The following SNX30 variants were observed in gnomAD, a reference collection of about 807,000 sequenced individuals.
SNX30 encodes sorting nexin family member 30, also known as sorting nexin-30.
SNX30 carries 24 observed loss-of-function variants against 46.4 expected under a neutral mutation model. The ratio of observed to expected loss-of-function variants is 0.52; its 90% CI spans 0.37 to 0.73. SNX30 has a LOEUF of 0.73. Among genes scored for constraint, SNX30 ranks in the 30% least tolerant of loss-of-function variants. SNX30 has a pLI of 0.00. For synonymous variants in SNX30, 189 were observed against 211.5 expected, an observed-to-expected ratio of 0.89 and a Z score of 0.92; for missense variants, 533 against 555.7, an observed-to-expected ratio of 0.96 and a Z score of 0.41.
At chr9:112,858,125 C>G (rs1841166344) in intron 7 of SNX30, among the ~76,000 whole-genome samples, 1 of 152,176 alleles carries the variant, frequency 6.6e-6, no homozygotes, top group South Asian at 2.1e-4. Context: ...AAGCAACACC[C>G]AACCATTAGC....
chr9:112,788,227 A>G (rs773999667), intron 1 of SNX30, among the ~76,000 whole-genome samples: 1 of 151,842 alleles, frequency 6.6e-6, no homozygotes, highest in Non-Finnish European at 1.5e-5. Context: ...GGCTGGGGTG[A>G]TGATTAATCA....
intron 1 of SNX30, among the ~76,000 whole-genome samples, chr9:112,756,435 CTTTTTTTTTT>C (rs61338659): frequency 5.9e-5 from 4 of 67,406 alleles, no homozygotes; most frequent in East Asian, 6.0e-4. Flanking sequence ...TGTAATCATC[CTTTTTTTTTT>C]TTTTTTTTTT....
chr9:112,875,802 C>CTTTT (rs969381298), downstream of SNX30: 1 of 149,922 alleles, frequency 6.7e-6, no homozygotes, highest in South Asian at 2.1e-4. Flanking sequence ...ACAGGATATT[C>CTTTT]TTTTTTTTTT....
intron 6 of SNX30, among the ~76,000 whole-genome samples, chr9:112,843,790 T>G (rs139353314): frequency 6.6e-6 from 1 of 152,232 alleles, no homozygotes; most frequent in East Asian, 1.9e-4. Context: ...AATTTTTGTA[T>G]TTTTAGTAAA....
At chr9:112,772,197 A>G (rs900655428) in intron 1 of SNX30, among the ~76,000 whole-genome samples, 2 of 152,176 alleles carry the variant, frequency 1.3e-5, no homozygotes, top group African/African-American at 4.8e-5. Flanking sequence ...GGGTTACTCT[A>G]GCTTCATTTC....
chr9:112,773,339 T>TA (rs571959785), intron 1 of SNX30, among the ~76,000 whole-genome samples: 2 of 152,302 alleles, frequency 1.3e-5, no homozygotes, highest in South Asian at 4.1e-4. Flanking sequence ...TCATAACTGA[T>TA]AGTCATAACT....
chr9:112,842,646 T>C (rs1175172231), intron 6 of SNX30, among the ~76,000 whole-genome samples: 1 of 152,254 alleles, frequency 6.6e-6, no homozygotes, highest in Non-Finnish European at 1.5e-5. Context: ...CCAATCAGCT[T>C]GTAGCTGTGT....
downstream of SNX30, chr9:112,878,664 T>TA (rs1841542917): frequency 6.6e-6 from 1 of 152,250 alleles, no homozygotes; most frequent in Admixed American, 6.5e-5. Flanking sequence ...CTTCACCTGA[T>TA]AGACAGTACA....
At chr9:112,841,756 T>A (rs969300729) in intron 6 of SNX30, among the ~76,000 whole-genome samples, 1 of 152,250 alleles carries the variant, frequency 6.6e-6, no homozygotes, top group Non-Finnish European at 1.5e-5. Flanking sequence ...ATGTCTTAAG[T>A]GGCTTGCCCA....
intron 1 of SNX30, among the ~76,000 whole-genome samples, chr9:112,758,974 CAG>C (rs1839398032): frequency 6.6e-6 from 1 of 152,110 alleles, no homozygotes; most frequent in Non-Finnish European, 1.5e-5. Flanking sequence ...CGTGCACACA[CAG>C]AGAGAAAGAG....
At chr9:112,840,803 G>A (rs532045691) in intron 6 of SNX30, among the ~76,000 whole-genome samples, 9 of 128,450 alleles carry the variant, frequency 7.0e-5, no homozygotes, top group East Asian at 5.0e-4. Flanking sequence ...TTTTTGAGAC[G>A]GAGTCCTGCT....
intron 7 of SNX30, among the ~76,000 whole-genome samples, chr9:112,854,126 T>A (rs1408344717): frequency 6.6e-6 from 1 of 152,212 alleles, no homozygotes; most frequent in Non-Finnish European, 1.5e-5. Flanking sequence ...CAGGACACAT[T>A]CCTTTCCAAA....
At chr9:112,779,382 G>A (rs975271677) in intron 1 of SNX30, among the ~76,000 whole-genome samples, 1 of 152,008 alleles carries the variant, frequency 6.6e-6, no homozygotes, top group African/African-American at 2.4e-5. Context: ...CCGGTCTGTT[G>A]CTCAAGTGAA....
chr9:112,852,582 A>T (rs1282787599), intron 7 of SNX30, among the ~76,000 whole-genome samples: 1 of 152,196 alleles, frequency 6.6e-6, no homozygotes, highest in African/African-American at 2.4e-5. Context: ...CACAACCATG[A>T]GGTTTAGGTA....
chr9:112,755,191 T>C (rs1205330966), intron 1 of SNX30, among the ~76,000 whole-genome samples: 1 of 152,186 alleles, frequency 6.6e-6, no homozygotes, highest in Non-Finnish European at 1.5e-5. Flanking sequence ...AAAGGAGAAC[T>C]GGCCGCGAGG....
Position 112,850,904 on chromosome 9 carries a change from A to C in SNX30, c.1060A>C (p.Lys354Gln). 6.2e-7 allele frequency: 1 copy of C among 1,614,026 alleles called. No homozygotes were observed. Among genetic ancestry groups the C allele is most frequent in the Non-Finnish European group, 8.5e-7 (1 of 1,180,000 alleles). The change falls in exon 7 of 9, where the codon AAA becomes CAA. Residue 354 changes from lysine (K) to glutamine (Q), a missense_variant. Coordinates refer to ENST00000374232, the MANE Select transcript of SNX30 (RefSeq NM_001012994.2). ...CCAAGTTCAAGCAGAGTATGAAGCC[A>C]AACTGGAAGCTGTGGCTCTGCGGAA... Reference protein sequence around the residue: ...RDQVQAEYEAKLEAVALRKED... With the variant: ...RDQVQAEYEAQLEAVALRKED...
At chr9:112,772,177 T>C (rs1430394160) in intron 1 of SNX30, among the ~76,000 whole-genome samples, 1 of 152,158 alleles carries the variant, frequency 6.6e-6, no homozygotes, top group Non-Finnish European at 1.5e-5. Flanking sequence ...ACAATCCTTA[T>C]TCTAGTGAGG....
chr9:112,848,132 T>C (rs1004758669), intron 6 of SNX30, among the ~76,000 whole-genome samples: 2 of 152,014 alleles, frequency 1.3e-5, no homozygotes, highest in Non-Finnish European at 2.9e-5. Flanking sequence ...CTTTTTGATG[T>C]GTCATATCAA....
intron 7 of SNX30, among the ~76,000 whole-genome samples, chr9:112,853,694 C>T (rs923666396): frequency 3.3e-5 from 5 of 152,102 alleles, no homozygotes; most frequent in African/African-American, 2.4e-5. Flanking sequence ...GAGAGTAGAA[C>T]GGTGGTTGCC....
Sources: allele counts gnomAD v4.1 joint callset (sites outside exome capture counted in the v4.1 genomes callset), GRCh38; gene constraint gnomAD v4.1.1; transcripts MANE v1.5; gene names NCBI Gene and HGNC (gene_info 2026-07-23, HGNC 2026-07-21).